The following PLPPR1 variants were observed in gnomAD, a reference collection of about 807,000 sequenced individuals.
The protein encoded by PLPPR1 is phospholipid phosphatase related 1, also known as phospholipid phosphatase-related protein type 1.
In PLPPR1, 10 loss-of-function variants were observed where a neutral mutation model predicts 33.1. The ratio of observed to expected loss-of-function variants is 0.30; its 90% CI spans 0.19 to 0.51. PLPPR1 has a LOEUF of 0.51. PLPPR1 is among the 20% of genes least tolerant of loss of function. The pLI is 0.97. For synonymous variants in PLPPR1, 151 were observed against 151.0 expected, an observed-to-expected ratio of 1.00 and a Z score of 0.00; for missense variants, 304 against 408.1, an observed-to-expected ratio of 0.74 and a Z score of 2.20.
intron 1 of PLPPR1, among the ~76,000 whole-genome samples, chr9:101,084,701 G>T (rs1447833077): frequency 1.3e-5 from 2 of 152,170 alleles, no homozygotes; most frequent in African/African-American, 4.8e-5. Context: ...TTGGGACATG[G>T]TATGTAGGTC....
intron 1 of PLPPR1, among the ~76,000 whole-genome samples, chr9:101,147,189 T>C (rs190845626): frequency 6.6e-6 from 1 of 152,308 alleles, no homozygotes; most frequent in East Asian, 1.9e-4. Flanking sequence ...AGCAGAATTC[T>C]ACCTCGTGCT....
In PLPPR1 at chr9:101,270,060, A is replaced by G. The variant is rs754637630; in HGVS notation, c.244A>G (p.Thr82Ala). The change falls in exon 3 of 8, where the codon ACT becomes GCT. Residue 82 changes from threonine to alanine, a missense_variant. Transcript: ENST00000374874. Reference protein sequence around the residue: ...VLYCVLAATPTAIIFIGEISM... With the variant: ...VLYCVLAATPAAIIFIGEISM... ...CTATTGTGTGCTGGCTGCCACCCCA[A>G]CTGCTATTGTAAGTACAGAAATAGA... 13 of 1,614,090 alleles carry G rather than the reference A, an allele frequency of 8.1e-6. No individual in the cohort carries two copies. Among genetic ancestry groups the G allele is most frequent in the Non-Finnish European group, 1.1e-5 (13 of 1,179,974 alleles).
chr9:101,192,196 T>C (rs1826307588), intron 2 of PLPPR1, among the ~76,000 whole-genome samples: 1 of 152,216 alleles, frequency 6.6e-6, no homozygotes, highest in African/African-American at 2.4e-5. Flanking sequence ...TTTTGGCCCT[T>C]TACTTGCAGG....
intron 1 of PLPPR1, among the ~76,000 whole-genome samples, chr9:101,174,607 C>T (rs1427549242): frequency 6.6e-6 from 1 of 152,144 alleles, no homozygotes; most frequent in Non-Finnish European, 1.5e-5. Context: ...CTGCTATCAC[C>T]ATGCTCCATC....
intron 3 of PLPPR1, among the ~76,000 whole-genome samples, chr9:101,277,305 G>C (rs1213856276): frequency 6.6e-6 from 1 of 152,174 alleles, no homozygotes; most frequent in Non-Finnish European, 1.5e-5. Context: ...AGAATATCTA[G>C]AGTGTGGGCA....
intron 2 of PLPPR1, among the ~76,000 whole-genome samples, chr9:101,197,259 A>T (rs1030502388): frequency 6.6e-6 from 1 of 152,170 alleles, no homozygotes; most frequent in African/African-American, 2.4e-5. Context: ...AGCGTTACTC[A>T]CAGGAAGTAT....
chr9:101,193,916 C>T (rs1272830735), intron 2 of PLPPR1, among the ~76,000 whole-genome samples: 1 of 152,164 alleles, frequency 6.6e-6, no homozygotes, highest in Non-Finnish European at 1.5e-5. Context: ...ACTTTCTCCA[C>T]TGGATAACAA....
At chr9:101,303,338 G>C (rs532681576) in intron 4 of PLPPR1, among the ~76,000 whole-genome samples, 1 of 148,926 alleles carries the variant, frequency 6.7e-6, no homozygotes, top group African/African-American at 2.5e-5. Context: ...TTTTACTCTT[G>C]TTGCCCAGGC....
chr9:101,276,147 A>G (rs1405057581), intron 3 of PLPPR1, among the ~76,000 whole-genome samples: 1 of 152,126 alleles, frequency 6.6e-6, no homozygotes, highest in Non-Finnish European at 1.5e-5. Context: ...GCTCTGAACA[A>G]CCTCATCTGT....
At chr9:101,125,703 C>T (rs1831237741) in intron 1 of PLPPR1, 2 of 626,694 alleles carry the variant, frequency 3.2e-6, no homozygotes, top group Non-Finnish European at 5.5e-6. Context: ...TTACAGGCCC[C>T]ATAAAGAACA....
At chr9:101,076,767 G>A (rs1830543168) in intron 1 of PLPPR1, among the ~76,000 whole-genome samples, 3 of 152,132 alleles carry the variant, frequency 2.0e-5, no homozygotes, top group African/African-American at 4.8e-5. Context: ...GGTATTGTGT[G>A]TATGTGTAAG....
At chr9:101,313,496 T>C (rs759834817) in intron 6 of PLPPR1, among the ~76,000 whole-genome samples, 1 of 152,238 alleles carries the variant, frequency 6.6e-6, no homozygotes, top group Non-Finnish European at 1.5e-5. Flanking sequence ...CCCTTTTTAG[T>C]GGGCCTCTGT....
intron 1 of PLPPR1, among the ~76,000 whole-genome samples, chr9:101,144,986 T>C (rs1005004950): frequency 6.6e-6 from 1 of 152,152 alleles, no homozygotes; most frequent in African/African-American, 2.4e-5. Context: ...TTTCTCACCA[T>C]GGTGAGAAAG....
chr9:101,295,549 C>A (rs1828610267), intron 4 of PLPPR1, among the ~76,000 whole-genome samples: 1 of 151,762 alleles, frequency 6.6e-6, no homozygotes, highest in Non-Finnish European at 1.5e-5. Flanking sequence ...TGACTTCAAA[C>A]TATACTACAA....
Position 101,052,868 on chromosome 9 carries a change from C to T in PLPPR1, c.-46+23766C>T, listed in dbSNP as rs139673686. On this transcript the variant is annotated intron_variant, in intron 1 of 7. Transcript: ENST00000374874. The stretch of plus-strand genomic sequence containing the variant: ...ATACTGTCAACTGAGGCTCTTTTTG[C>T]TAAACTGCCTTCCAGGGAGGCAACT... 1.5e-4 allele frequency among the ~76,000 whole-genome samples: 23 copies of T among 152,268 alleles called. No homozygotes were observed. The East Asian group carries it at 4.4e-3, about 29-fold the overall frequency.
intron 1 of PLPPR1, among the ~76,000 whole-genome samples, chr9:101,062,149 GGTGTGTGTGTGTGTGT>G (rs56998660): frequency 2.2e-4 from 33 of 148,402 alleles, no homozygotes; most frequent in East Asian, 2.0e-3. Flanking sequence ...GACAAAATGT[GGTGTGTGTGTGTGTGT>G]GTGTGTGTGT....
intron 2 of PLPPR1, among the ~76,000 whole-genome samples, chr9:101,241,104 T>C (rs200798310): frequency 6.6e-6 from 1 of 152,110 alleles, no homozygotes; most frequent in East Asian, 1.9e-4. Flanking sequence ...GCAAGATGGT[T>C]GTATGTCTTG....
chr9:101,140,435 C>T (rs575070304), intron 1 of PLPPR1, among the ~76,000 whole-genome samples: 4 of 152,208 alleles, frequency 2.6e-5, no homozygotes, highest in East Asian at 1.9e-4. Context: ...GGGTGGAAAT[C>T]GGTATGCAAA....
rs1248124192 is a variant in PLPPR1 at position 101,107,626 on chromosome 9, G to T, written c.-45-77824G>T. On this transcript the variant is annotated intron_variant, in intron 1 of 7. Transcript: ENST00000374874. ...TGTTTGTCTGTGCCCTGCCCCTAGA[G>T]GTGGAGCCTACAGAGGCAGGCAGGC... Among the ~76,000 whole-genome samples, 172 of 83,232 alleles carry T rather than the reference G, an allele frequency of 2.1e-3. 1 individual carries two copies. The highest frequency in any genetic ancestry group is 8.8e-3 in the African/African-American group (163 of 18,580). 54.6% of individuals were successfully genotyped at this position (83,232 alleles called of 152,430 possible). A position where few individuals can be genotyped will look rare whatever the true frequency, so the allele number is the denominator to read the frequency against.
Sources: gnomAD v4.1 joint callset for allele counts (sites outside exome capture counted in the v4.1 genomes callset) on GRCh38, gnomAD v4.1.1 for gene constraint, MANE v1.5 for transcripts, NCBI Gene and HGNC (gene_info 2026-07-23, HGNC 2026-07-21) for gene names.